Variants in PTPRD observed in about 807,000 individuals in gnomAD.
PTPRD encodes receptor-type tyrosine-protein phosphatase delta.
A neutral mutation model predicts 214.5 loss-of-function variants in PTPRD; 34 were observed. The ratio of observed to expected loss-of-function variants is 0.16; its 90% CI spans 0.12 to 0.21. PTPRD has a LOEUF of 0.21. PTPRD is among the 10% of genes least tolerant of loss of function. PTPRD has a pLI of 1.00. For missense variants in PTPRD, 2,545 were observed against 2,398.7 expected, an observed-to-expected ratio of 1.06 and a Z score of -1.27; for synonymous variants, 1,128 against 845.7, an observed-to-expected ratio of 1.33 and a Z score of -5.79.
chr9:9,688,687 C>T (rs542227856), intron 7 of PTPRD, among the ~76,000 whole-genome samples: 58 of 151,968 alleles, frequency 3.8e-4, no homozygotes, highest in African/African-American at 1.4e-3. Context: ...ATCTTGTATA[C>T]TCTAATCTCT....
At chr9:10,504,035 G>C (rs1471231932) in intron 2 of PTPRD, among the ~76,000 whole-genome samples, 1 of 144,782 alleles carries the variant, frequency 6.9e-6, no homozygotes, top group East Asian at 2.1e-4. Flanking sequence ...AGAATGGCGT[G>C]AACCCGGGAG....
chr9:10,293,328 G>GT (rs1165473815), intron 3 of PTPRD, among the ~76,000 whole-genome samples: 2 of 151,814 alleles, frequency 1.3e-5, no homozygotes, highest in South Asian at 2.1e-4. Context: ...CTAATATGCA[G>GT]TTTTTTCTCT....
At chr9:8,765,391 C>T (rs2094654305) in intron 11 of PTPRD, among the ~76,000 whole-genome samples, 1 of 152,222 alleles carries the variant, frequency 6.6e-6, no homozygotes, top group Non-Finnish European at 1.5e-5. Context: ...CCGCCATCTT[C>T]ATTCTCTCTG....
intron 3 of PTPRD, among the ~76,000 whole-genome samples, chr9:10,257,340 C>A (rs2093358681): frequency 6.6e-6 from 1 of 152,090 alleles, no homozygotes; most frequent in South Asian, 2.1e-4. Context: ...TGTACTTGAC[C>A]TCTAACTGGA....
At chr9:10,085,878 G>A (rs752322045) in intron 3 of PTPRD, among the ~76,000 whole-genome samples, 1 of 151,844 alleles carries the variant, frequency 6.6e-6, no homozygotes, top group Non-Finnish European at 1.5e-5. Context: ...TTTCAGGGCA[G>A]TGTGATGAAC....
At chr9:8,559,334 T>C (rs1289402779) in intron 14 of PTPRD, among the ~76,000 whole-genome samples, 2 of 152,216 alleles carry the variant, frequency 1.3e-5, no homozygotes, top group African/African-American at 4.8e-5. Context: ...TTGTACATTA[T>C]ATACAGATAT....
chr9:9,430,650 C>G (rs546078424), intron 8 of PTPRD, among the ~76,000 whole-genome samples: 1 of 152,296 alleles, frequency 6.6e-6, no homozygotes, highest in South Asian at 2.1e-4. Flanking sequence ...TGACTTCAAA[C>G]TATACTACAA....
chr9:10,558,049 A>C (rs2063025658), intron 2 of PTPRD, among the ~76,000 whole-genome samples: 1 of 152,160 alleles, frequency 6.6e-6, no homozygotes, highest in Admixed American at 6.6e-5. Context: ...TACTGGACTC[A>C]TAATTTCTAT....
At chr9:9,766,196 A>G (rs2098705691) in intron 6 of PTPRD, among the ~76,000 whole-genome samples, 1 of 152,164 alleles carries the variant, frequency 6.6e-6, no homozygotes, top group African/African-American at 2.4e-5. Context: ...ACTCAGTTAT[A>G]GCTCATGATC....
intron 39 of PTPRD, among the ~76,000 whole-genome samples, chr9:8,353,128 A>G (rs2075971913): frequency 6.6e-6 from 1 of 152,184 alleles, no homozygotes; most frequent in South Asian, 2.1e-4. Context: ...AATAAATAAA[A>G]GAAAAAGGCT....
chr9:9,579,459 C>CCCT (rs1188124275), intron 7 of PTPRD, among the ~76,000 whole-genome samples: 1 of 152,090 alleles, frequency 6.6e-6, no homozygotes, highest in Non-Finnish European at 1.5e-5. Context: ...CTGGGGTACA[C>CCCT]ATACAGGATG....
chr9:10,466,396 G>A (rs2098993589), intron 2 of PTPRD, among the ~76,000 whole-genome samples: 1 of 151,984 alleles, frequency 6.6e-6, no homozygotes. Flanking sequence ...GGCTGAGGCG[G>A]GAGGACCACC....
At chr9:9,552,437 A>G (rs1278985937) in intron 8 of PTPRD, among the ~76,000 whole-genome samples, 2 of 152,098 alleles carry the variant, frequency 1.3e-5, no homozygotes, top group Admixed American at 1.3e-4. Context: ...TTTTCAATCA[A>G]ATCTTGAAAA....
chr9:10,164,834 A>T (rs1197284412), intron 3 of PTPRD, among the ~76,000 whole-genome samples: 1 of 151,412 alleles, frequency 6.6e-6, no homozygotes, highest in African/African-American at 2.4e-5. Context: ...ATAAAGGATG[A>T]CAGAAAATCT....
chr9:8,889,710 A>G, intron 11 of PTPRD, among the ~76,000 whole-genome samples: 1 of 151,688 alleles, frequency 6.6e-6, no homozygotes, highest in East Asian at 1.9e-4. Context: ...AGAACATAAG[A>G]TATTTGGTTT....
intron 7 of PTPRD, among the ~76,000 whole-genome samples, chr9:9,625,317 T>C (rs915195016): frequency 2.6e-5 from 4 of 152,182 alleles, no homozygotes; most frequent in African/African-American, 4.8e-5. Flanking sequence ...AGAAAGCCTA[T>C]TGGCTGGTGT....
At chr9:9,212,528 A>G (rs2099949442) in intron 9 of PTPRD, among the ~76,000 whole-genome samples, 1 of 152,192 alleles carries the variant, frequency 6.6e-6, no homozygotes, top group Admixed American at 6.5e-5. Context: ...TGAGCAGCCA[A>G]GAAAATTAAC....
chr9:9,719,515 T>C (rs1490827470), intron 7 of PTPRD, among the ~76,000 whole-genome samples: 1 of 150,948 alleles, frequency 6.6e-6, no homozygotes, highest in East Asian at 1.9e-4. Flanking sequence ...CCTCTGCTGG[T>C]ACCAGGCAGC....
chr9:9,359,480 T>C (rs1181984812), intron 9 of PTPRD, among the ~76,000 whole-genome samples: 2 of 151,252 alleles, frequency 1.3e-5, no homozygotes, highest in African/African-American at 4.8e-5. Flanking sequence ...ATAAAAACAG[T>C]GTTTGCAAAC....
Sources: gnomAD v4.1 joint callset for allele counts (sites outside exome capture counted in the v4.1 genomes callset) on GRCh38, gnomAD v4.1.1 for gene constraint, MANE v1.5 for transcripts, NCBI Gene and HGNC (gene_info 2026-07-23, HGNC 2026-07-21) for gene names.